Variants in SUCLG2 observed in about 807,000 individuals in gnomAD.
SUCLG2 encodes the protein succinate-CoA ligase GDP-forming subunit beta.
A neutral mutation model predicts 47.9 loss-of-function variants in SUCLG2; 42 were observed. That is an observed-to-expected ratio of 0.88 (90% CI 0.69 to 1.14). The LOEUF is 1.14. Among genes scored for constraint, SUCLG2 ranks in the 50% most tolerant of loss-of-function variants. The pLI, the probability that SUCLG2 is intolerant of heterozygous loss-of-function variation, is 0.00. For missense variants in SUCLG2, 571 were observed against 525.9 expected (o/e 1.09, Z -0.84); for synonymous variants, 195 against 197.3 (o/e 0.99, Z 0.10).
At chr3:67,372,462 T>A (rs138876995), downstream of SUCLG2, among the ~76,000 whole-genome samples, 3 of 152,144 alleles carry the variant, frequency 2.0e-5, no homozygotes, top group African/African-American at 7.2e-5. Flanking sequence ...CTAGCAAGGA[T>A]CACTTTGAGG....
chr3:67,609,697 C>G, intron 1 of SUCLG2, 101 bp from the exon 2 acceptor site: 3 of 1,105,912 alleles, frequency 2.7e-6, no homozygotes, highest in Non-Finnish European at 1.2e-6. Context: ...GACTGGCAAT[C>G]TGCAACCCAG....
chr3:67,393,368 T>C (rs1702440454), intron 10 of SUCLG2, among the ~76,000 whole-genome samples: 1 of 152,222 alleles, frequency 6.6e-6, no homozygotes, highest in Admixed American at 6.5e-5. Context: ...CAGGAGATTA[T>C]ATCCCGCACA....
At chr3:67,577,550 A>C (rs1299072475) in intron 2 of SUCLG2, among the ~76,000 whole-genome samples, 1 of 152,222 alleles carries the variant, frequency 6.6e-6, no homozygotes, top group Non-Finnish European at 1.5e-5. Context: ...CTAAATGCTA[A>C]ATAAAAGACT....
At position 67,447,821 on chromosome 3, in the gene SUCLG2, C is replaced by T. The variant is rs1291327372; in HGVS notation, c.1063-46970G>A. ...CTCAGCTCACTGCAACCTCTGCTCCCGGGTTCAAGTGATTCTCATGTCTCA... is the reference window on the plus strand; with the variant it reads ...CTCAGCTCACTGCAACCTCTGCTCCTGGGTTCAAGTGATTCTCATGTCTCA... On this transcript the variant is annotated intron_variant, in intron 9 of 10. Transcript: ENST00000307227. Among the ~76,000 whole-genome samples, 5 of 152,230 alleles carry T rather than the reference C, an allele frequency of 3.3e-5. No individual in the cohort carries two copies. The South Asian group carries it at 1.0e-3, about 32-fold the overall frequency.
chr3:67,456,936 TC>T (rs1332197387), intron 9 of SUCLG2, among the ~76,000 whole-genome samples: 1 of 152,224 alleles, frequency 6.6e-6, no homozygotes, highest in African/African-American at 2.4e-5. Flanking sequence ...TTCCTTTTCT[TC>T]TTTATACCTT....
intron 2 of SUCLG2, among the ~76,000 whole-genome samples, chr3:67,582,016 T>C (rs569594454): frequency 6.6e-6 from 1 of 152,328 alleles, no homozygotes; most frequent in Non-Finnish European, 1.5e-5. Flanking sequence ...GTTCTCAGGT[T>C]AAACCAAGCT....
chr3:67,407,001 G>A (rs960047296), intron 9 of SUCLG2, among the ~76,000 whole-genome samples: 3 of 152,178 alleles, frequency 2.0e-5, no homozygotes, highest in African/African-American at 7.2e-5. Flanking sequence ...AGGAGCCACT[G>A]ACATTCACCA....
intron 2 of SUCLG2, among the ~76,000 whole-genome samples, chr3:67,561,455 A>G (rs527380359): frequency 6.6e-6 from 1 of 152,292 alleles, no homozygotes; most frequent in South Asian, 2.1e-4. Context: ...CTATTTAAAA[A>G]ATATCCTCTT....
intron 2 of SUCLG2, among the ~76,000 whole-genome samples, chr3:67,561,015 G>C (rs79607406): frequency 0.01 from 1,520 of 147,254 alleles, 19 homozygotes; most frequent in East Asian, 0.05. Flanking sequence ...ACGCAATTGT[G>C]TACTTTGCTC....
At chr3:67,524,432 G>C (rs1054138525) in intron 4 of SUCLG2, among the ~76,000 whole-genome samples, 3 of 152,126 alleles carry the variant, frequency 2.0e-5, no homozygotes, top group African/African-American at 4.8e-5. Flanking sequence ...GTACATTCTC[G>C]AATTTTAAAT....
intron 10 of SUCLG2, 70 bp downstream of exon 10, chr3:67,400,661 A>C: frequency 1.3e-6 from 2 of 1,583,650 alleles, no homozygotes; most frequent in Non-Finnish European, 1.7e-6. Flanking sequence ...AAGTTTGTGA[A>C]TCCAGAACAT....
chr3:67,486,900 C>T (rs917070511), intron 9 of SUCLG2, among the ~76,000 whole-genome samples: 13 of 152,232 alleles, frequency 8.5e-5, no homozygotes, highest in African/African-American at 3.1e-4. Flanking sequence ...CCACTCTGCA[C>T]ATTGCCTTGA....
chr3:67,481,763 G>T (rs1330582302), intron 9 of SUCLG2, among the ~76,000 whole-genome samples: 1 of 152,190 alleles, frequency 6.6e-6, no homozygotes, highest in African/African-American at 2.4e-5. Context: ...CTGCTTTAAA[G>T]AGATTATTAC....
rs370315070 is a variant in SUCLG2, at chr3:67,556,777, A to G, written c.227-27591T>C. Among the ~76,000 whole-genome samples the G allele has an allele frequency of 2.0e-5, 3 of 152,202 alleles. No individual in the cohort carries two copies. The South Asian group carries it at 6.2e-4, about 32-fold the overall frequency. On this transcript the variant is annotated intron_variant, in intron 2 of 10. Transcript: ENST00000307227. ...CAAACCAGTAAGAGTTACCAAGGAC[A>G]ACATGTTTTGGGGCCGGATAACAAG...
intron 2 of SUCLG2, among the ~76,000 whole-genome samples, chr3:67,538,491 G>C (rs1215255134): frequency 1.3e-5 from 2 of 152,172 alleles, no homozygotes; most frequent in African/African-American, 4.8e-5. Flanking sequence ...GTCAGGTAGA[G>C]TGATGCCTTC....
chr3:67,367,365 A>G (rs1304049032), intron 10 of SUCLG2, among the ~76,000 whole-genome samples: 1 of 152,192 alleles, frequency 6.6e-6, no homozygotes, highest in Non-Finnish European at 1.5e-5. Context: ...AACATTTGTA[A>G]ATTAGTTCAA....
At position 67,400,747 on chromosome 3, in the gene SUCLG2, C is replaced by A. The variant is rs199604171; in HGVS notation, c.1167G>T (p.Leu389=). Residue 389 remains leucine, a synonymous_variant, in exon 10 of 11, where the codon CTG becomes CTT. Coordinates refer to ENST00000307227, the MANE Select transcript of SUCLG2 (RefSeq NM_003848.4). ...ATGACTCACCTTCAAGCCGGACCAC[C>A]AGGGGCACCTTGAGTTCTAGCTCCC... ...ACRELELKVP[L]VVRLEGTNVQ... 6.2e-7 allele frequency: 1 copy of A among 1,611,822 alleles called. No individual in the cohort carries two copies. The highest frequency in any genetic ancestry group is 8.5e-7 in the Non-Finnish European group (1 of 1,179,936).
intron 1 of SUCLG2, among the ~76,000 whole-genome samples, 173 bp downstream of exon 1, chr3:67,654,330 C>T (rs1701345097): frequency 6.6e-6 from 1 of 152,204 alleles, no homozygotes; most frequent in Admixed American, 6.5e-5. Flanking sequence ...CTGCCCCACA[C>T]TGGAGCGGGG....
At chr3:67,647,324 T>C (rs1360791305) in intron 1 of SUCLG2, among the ~76,000 whole-genome samples, 1 of 152,238 alleles carries the variant, frequency 6.6e-6, no homozygotes, top group Non-Finnish European at 1.5e-5. Flanking sequence ...TTATGGCTAC[T>C]GCCTAAGTCC....
Sources: allele counts gnomAD v4.1 joint callset (sites outside exome capture counted in the v4.1 genomes callset), GRCh38; gene constraint gnomAD v4.1.1; transcripts MANE v1.5; gene names NCBI Gene and HGNC (gene_info 2026-07-23, HGNC 2026-07-21).